The following AGBL4 variants were observed in gnomAD, a reference collection of about 807,000 sequenced individuals.
The protein encoded by AGBL4 is cytosolic carboxypeptidase 6.
AGBL4 carries 58 observed loss-of-function variants against 66.4 expected under a neutral mutation model. The observed-to-expected ratio is 0.87, with a 90% CI of 0.71 to 1.09. The LOEUF is 1.09. Ranked by LOEUF, AGBL4 falls within the 50% of genes least tolerant of loss-of-function variation. AGBL4 has a pLI of 0.00. For missense variants in AGBL4, 579 were observed against 631.0 expected, an observed-to-expected ratio of 0.92 and a Z score of 0.88; for synonymous variants, 234 against 222.9, an observed-to-expected ratio of 1.05 and a Z score of -0.44.
At chr1:48,875,949 A>G (rs757897148) in intron 5 of AGBL4, among the ~76,000 whole-genome samples, 3 of 152,160 alleles carry the variant, frequency 2.0e-5, no homozygotes, top group Non-Finnish European at 2.9e-5. Context: ...GTGAGGGATG[A>G]GGGAAAAATC....
At chr1:49,291,182 T>G (rs188066255) in intron 3 of AGBL4, among the ~76,000 whole-genome samples, 1 of 152,130 alleles carries the variant, frequency 6.6e-6, no homozygotes, top group Non-Finnish European at 1.5e-5. Flanking sequence ...AAATAATAAA[T>G]TAATAATTTA....
At chr1:49,945,640 T>C (rs1164565592) in intron 1 of AGBL4, among the ~76,000 whole-genome samples, 1 of 151,968 alleles carries the variant, frequency 6.6e-6, no homozygotes, top group East Asian at 1.9e-4. Context: ...ACAGAACTTA[T>C]AAAACAAAAA....
At chr1:49,467,306 G>A (rs763996697) in intron 3 of AGBL4, among the ~76,000 whole-genome samples, 2 of 151,840 alleles carry the variant, frequency 1.3e-5, no homozygotes, top group Admixed American at 6.6e-5. Context: ...AGTGTTAAGT[G>A]GTTAGACATG....
At chr1:49,899,526 A>G (rs918543212) in intron 1 of AGBL4, among the ~76,000 whole-genome samples, 1 of 151,748 alleles carries the variant, frequency 6.6e-6, no homozygotes, top group Non-Finnish European at 1.5e-5. Context: ...ACAAAAACTT[A>G]GGTTCACATC....
At chr1:48,817,988 G>T in intron 6 of AGBL4, 1 of 703,008 alleles carries the variant, frequency 1.4e-6, no homozygotes, top group Admixed American at 2.1e-5. Flanking sequence ...GACTTCTTAA[G>T]CACCTGAGAG....
intron 1 of AGBL4, among the ~76,000 whole-genome samples, chr1:49,852,189 A>T (rs1193701923): frequency 1.3e-5 from 2 of 152,162 alleles, no homozygotes; most frequent in African/African-American, 4.8e-5. Flanking sequence ...AATCTATCAG[A>T]GAGCTGAGTT....
rs532786857 is a variant in AGBL4, at chr1:49,956,778, G to A, written c.34+66985C>T. Among the ~76,000 whole-genome samples, 16 of 151,998 alleles carry A rather than the reference G, an allele frequency of 1.1e-4. No individual in the cohort carries two copies. The East Asian group carries it at 2.9e-3, about 28-fold the overall frequency. On this transcript the variant is annotated intron_variant, in intron 1 of 13. Coordinates refer to ENST00000371839, the MANE Select transcript of AGBL4 (RefSeq NM_032785.4). Reference sequence around the variant, plus strand: ...TGGAATAAGGAGACAAATATCCTTTGGATCAATTAATGACTTTTGGATCAA... The same window carrying A: ...TGGAATAAGGAGACAAATATCCTTTAGATCAATTAATGACTTTTGGATCAA...
intron 3 of AGBL4, among the ~76,000 whole-genome samples, chr1:49,530,098 T>C (rs1484599947): frequency 6.6e-6 from 1 of 151,684 alleles, no homozygotes; most frequent in Non-Finnish European, 1.5e-5. Flanking sequence ...GGTATGAAAC[T>C]ACTGAACATT....
In AGBL4 at chr1:48,723,309, A is replaced by G. The variant is rs117360442; in HGVS notation, c.635-60068T>C. On this transcript the variant is annotated intron_variant, in intron 6 of 13. Transcript: ENST00000371839. Reference sequence around the variant, plus strand: ...GAATAATATTTTACTGATGGCAATAACTGGATGGACTCTTGGGTGGGAATA... The same window carrying G: ...GAATAATATTTTACTGATGGCAATAGCTGGATGGACTCTTGGGTGGGAATA... 3.5e-4 allele frequency among the ~76,000 whole-genome samples: 53 copies of G among 152,324 alleles called. No individual in the cohort carries two copies. The East Asian group carries it at 9.8e-3, about 28-fold the overall frequency.
At chr1:49,599,993 A>C (rs528728544) in intron 3 of AGBL4, among the ~76,000 whole-genome samples, 3 of 152,230 alleles carry the variant, frequency 2.0e-5, no homozygotes, top group Non-Finnish European at 4.4e-5. Flanking sequence ...TATGATTTCC[A>C]TTCTTTCACA....
intron 1 of AGBL4, among the ~76,000 whole-genome samples, chr1:49,866,864 C>T (rs1480513643): frequency 1.3e-5 from 2 of 151,450 alleles, no homozygotes; most frequent in Non-Finnish European, 2.9e-5. Context: ...CTCCTGGATT[C>T]GCTGTTCCTC....
At chr1:49,603,810 G>T (rs1266611331) in intron 3 of AGBL4, among the ~76,000 whole-genome samples, 1 of 152,014 alleles carries the variant, frequency 6.6e-6, no homozygotes, top group Non-Finnish European at 1.5e-5. Context: ...GTGAGAACAT[G>T]TAGTATTTGG....
intron 3 of AGBL4, among the ~76,000 whole-genome samples, chr1:49,377,915 C>G (rs140566912): frequency 1.3e-5 from 2 of 152,168 alleles, no homozygotes; most frequent in East Asian, 3.9e-4. Flanking sequence ...CAAAGGCAAT[C>G]AGTTCCATGC....
intron 6 of AGBL4, among the ~76,000 whole-genome samples, chr1:48,687,783 AG>A (rs1646558678): frequency 6.6e-6 from 1 of 152,216 alleles, no homozygotes; most frequent in Admixed American, 6.5e-5. Context: ...GCCCTGGACC[AG>A]CACCCTCGGC....
At chr1:49,946,981 A>G (rs557123212) in intron 1 of AGBL4, among the ~76,000 whole-genome samples, 8 of 151,972 alleles carry the variant, frequency 5.3e-5, no homozygotes, top group Non-Finnish European at 7.4e-5. Context: ...TCCTGGAAAG[A>G]TACAACCCTC....
chr1:48,744,555 G>A (rs1387289312), intron 6 of AGBL4, among the ~76,000 whole-genome samples: 1 of 152,148 alleles, frequency 6.6e-6, no homozygotes, highest in Non-Finnish European at 1.5e-5. Context: ...CTCACTCACG[G>A]TCATTTTTAG....
chr1:48,537,456 G>T (rs1643991822), intron 12 of AGBL4, among the ~76,000 whole-genome samples: 1 of 152,108 alleles, frequency 6.6e-6, no homozygotes, highest in Non-Finnish European at 1.5e-5. Context: ...TTAGATCCGT[G>T]TCGGGGTTCC....
At chr1:49,449,511 C>A (rs1239132678) in intron 3 of AGBL4, among the ~76,000 whole-genome samples, 1 of 151,944 alleles carries the variant, frequency 6.6e-6, no homozygotes, top group East Asian at 1.9e-4. Flanking sequence ...GCAGAGGAGG[C>A]AGGAAGGGCC....
intron 5 of AGBL4, among the ~76,000 whole-genome samples, chr1:48,882,978 T>C (rs1003863202): frequency 1.3e-5 from 2 of 152,238 alleles, no homozygotes; most frequent in African/African-American, 4.8e-5. Flanking sequence ...TAGTATTTCA[T>C]TGTGTATATA....
Sources: gnomAD v4.1 joint callset for allele counts (sites outside exome capture counted in the v4.1 genomes callset) on GRCh38, gnomAD v4.1.1 for gene constraint, MANE v1.5 for transcripts, NCBI Gene and HGNC (gene_info 2026-07-23, HGNC 2026-07-21) for gene names.